Variants in PWP1 observed in about 807,000 individuals in gnomAD.
The protein encoded by PWP1 is periodic tryptophan protein 1 homolog.
In PWP1, 47 loss-of-function variants were observed where a neutral mutation model predicts 69.9. The ratio of observed to expected loss-of-function variants is 0.67; its 90% CI spans 0.53 to 0.86. The LOEUF is 0.86. PWP1 is among the 40% of genes least tolerant of loss of function. PWP1 has a pLI of 0.00. For synonymous variants in PWP1, 222 were observed against 208.2 expected, an observed-to-expected ratio of 1.07 and a Z score of -0.57; for missense variants, 551 against 608.8, an observed-to-expected ratio of 0.91 and a Z score of 1.00.
rs756954590 is a variant in PWP1, at chr12:107,685,885, C to T, written c.-15C>T. On this transcript the variant is annotated 5_prime_UTR_variant, in exon 1 of 15. Transcript: ENST00000412830. ...AGCCTGGTTTCTAGCGTGACACGCC[C>T]TTGACTTGAGGACCATGAACCGCAG... 7 of 1,613,570 alleles carry T rather than the reference C, an allele frequency of 4.3e-6. No individual in the cohort carries two copies. The highest frequency in any genetic ancestry group is 2.7e-5 in the African/African-American group (2 of 74,938).
intron 3 of PWP1, among the ~76,000 whole-genome samples, chr12:107,692,275 T>TA (rs1889495971): frequency 6.6e-6 from 1 of 152,242 alleles, no homozygotes; most frequent in Admixed American, 6.5e-5. Flanking sequence ...AAGAATAATT[T>TA]AAGTTCAGTG....
intron 10 of PWP1, 22 bp from the exon 11 acceptor site, chr12:107,704,614 A>AACT (rs1319855082): frequency 1.9e-6 from 3 of 1,585,810 alleles, no homozygotes; most frequent in Non-Finnish European, 2.6e-6. Context: ...TTAAAACCCT[A>AACT]ACTTTGCCTG....
At chr12:107,699,589 T>G (rs1301723835) in intron 8 of PWP1, among the ~76,000 whole-genome samples, 155 bp downstream of exon 8, 1 of 152,188 alleles carries the variant, frequency 6.6e-6, no homozygotes, top group East Asian at 1.9e-4. Flanking sequence ...CTCTGTCATC[T>G]GTTTCTTTGC....
chr12:107,694,745 T>C (rs1448149114), intron 5 of PWP1, among the ~76,000 whole-genome samples: 1 of 152,220 alleles, frequency 6.6e-6, no homozygotes, highest in African/African-American at 2.4e-5. Flanking sequence ...TAACAGTCAT[T>C]CCTTTGAACT....
rs760952622 is a variant in PWP1, at chr12:107,685,870, C to T, written c.-30C>T. The T allele has an allele frequency of 6.2e-7, 1 of 1,612,982 alleles. No individual in the cohort carries two copies. The highest frequency in any genetic ancestry group is 8.5e-7 in the Non-Finnish European group (1 of 1,179,360). The stretch of plus-strand genomic sequence containing the variant: ...GGTCCCTCCCTATGCAGCCTGGTTT[C>T]TAGCGTGACACGCCCTTGACTTGAG... On this transcript the variant is annotated 5_prime_UTR_variant, in exon 1 of 15. Coordinates refer to ENST00000412830, the MANE Select transcript of PWP1 (RefSeq NM_007062.3).
chr12:107,686,969 C>CAAAAAA (rs61728433), intron 1 of PWP1, among the ~76,000 whole-genome samples: 12 of 106,870 alleles, frequency 1.1e-4, no homozygotes, highest in Non-Finnish European at 1.5e-4. Flanking sequence ...GACTCCGTCT[C>CAAAAAA]AAAAAAAAAA....
In PWP1 at chr12:107,704,680, G is replaced by C. The variant is rs765660170; in HGVS notation, c.1010G>C (p.Arg337Pro). The change falls in exon 11 of 15, where the codon CGA becomes CCA. Residue 337 changes from arginine to proline, a missense_variant. Transcript: ENST00000412830. The part of the protein sequence containing the change: ...YDCRSPDESH[R>P]MWRFSGQIER... ...TGCCGAAGTCCAGATGAAAGCCATC[G>C]AATGTGGCGATTCAGTGGGCAGATA... 1.9e-6 allele frequency: 3 copies of C among 1,613,992 alleles called. No individual in the cohort carries two copies. The highest frequency in any genetic ancestry group is 2.5e-6 in the Non-Finnish European group (3 of 1,179,934).
chr12:107,693,167 T>C, intron 5 of PWP1, 71 bp downstream of exon 5: 1 of 1,521,760 alleles, frequency 6.6e-7, no homozygotes, highest in Non-Finnish European at 8.8e-7. Context: ...AGTTACCATT[T>C]CATTTTTAGG....
At chr12:107,689,471 G>A (rs1889438879) in intron 3 of PWP1, among the ~76,000 whole-genome samples, 2 of 152,140 alleles carry the variant, frequency 1.3e-5, no homozygotes, top group South Asian at 4.1e-4. Flanking sequence ...GAGGCCAGGT[G>A]CACGTGACTC....
intron 11 of PWP1, among the ~76,000 whole-genome samples, chr12:107,705,450 G>A (rs576614517): frequency 3.3e-5 from 5 of 151,218 alleles, no homozygotes; most frequent in African/African-American, 4.9e-5. Flanking sequence ...ATACATGTGC[G>A]ATGTTGGTGT....
intron 5 of PWP1, among the ~76,000 whole-genome samples, chr12:107,694,774 GAGAA>G (rs1593143414): frequency 1.3e-5 from 2 of 152,100 alleles, no homozygotes; most frequent in African/African-American, 2.4e-5. Context: ...AAGAGGAGCT[GAGAA>G]AGAAGTTAAA....
intron 5 of PWP1, among the ~76,000 whole-genome samples, chr12:107,694,922 C>T (rs1001430112): frequency 6.6e-6 from 1 of 151,874 alleles, no homozygotes; most frequent in Admixed American, 6.6e-5. Flanking sequence ...AAAACTGATC[C>T]GAATATTGAT....
At position 107,709,177 on chromosome 12, in the gene PWP1, T is replaced by C; in HGVS notation, c.1235T>C (p.Ile412Thr). 2 of 1,613,944 alleles carry C rather than the reference T, an allele frequency of 1.2e-6. No homozygotes were observed. Among genetic ancestry groups the C allele is most frequent in the South Asian group, 1.1e-5 (1 of 91,080 alleles). ...VTASADKYVK[I>T]WDILGDRPSL... ...GCTTCAGCTGACAAATACGTGAAGATCTGGGACATCTTAGGAGATAGGCCA... is the reference window on the plus strand; with the variant it reads ...GCTTCAGCTGACAAATACGTGAAGACCTGGGACATCTTAGGAGATAGGCCA... The change falls in exon 13 of 15, where the codon ATC becomes ACC. Residue 412 changes from isoleucine (I) to threonine (T), a missense_variant. By Grantham distance (89) the Ile-to-Thr change is moderately conservative. Coordinates refer to ENST00000412830, the MANE Select transcript of PWP1 (RefSeq NM_007062.3).
intron 11 of PWP1, among the ~76,000 whole-genome samples, chr12:107,706,288 A>T (rs536630646): frequency 6.6e-6 from 1 of 152,098 alleles, no homozygotes; most frequent in South Asian, 2.1e-4. Context: ...TAGATTCTGG[A>T]TATTAGCCCT....
rs147805980 is a variant in PWP1 at position 107,708,814 on chromosome 12, C to T, written c.1078-112C>T. 9.1e-5 allele frequency: 88 copies of T among 971,050 alleles called. 1 individual carries two copies. The Middle Eastern group carries it at 1.6e-3, about 18-fold the overall frequency. 60.2% of individuals were successfully genotyped at this position (971,050 alleles called of 1,614,324 possible). A position where few individuals can be genotyped will look rare whatever the true frequency, so the allele number is the denominator to read the frequency against. ...ATGATTTCTGTCCATGTTAATTTTTCATAAGTTCCACCAGTAAGTCATATA... is the reference window on the plus strand; with the variant it reads ...ATGATTTCTGTCCATGTTAATTTTTTATAAGTTCCACCAGTAAGTCATATA... On this transcript the variant is annotated intron_variant, in intron 11 of 14. Coordinates refer to ENST00000412830, the MANE Select transcript of PWP1 (RefSeq NM_007062.3).
chr12:107,712,063 C>T (rs1404721054), intron 14 of PWP1, 48 bp from the exon 15 acceptor site: 1 of 1,486,450 alleles, frequency 6.7e-7, no homozygotes, highest in Non-Finnish European at 9.4e-7. Context: ...TATATTCTGA[C>T]TTAATTTCCT....
rs956666580 is a variant in PWP1, at chr12:107,699,240, C to G, written c.745-133C>G. The G allele has an allele frequency of 8.9e-6, 6 of 677,698 alleles. No individual in the cohort carries two copies. The African/African-American group carries it at 1.1e-4, about 12-fold the overall frequency. The allele number at this position is 677,698 out of a possible 1,614,324, so 42.0% of individuals were successfully genotyped here. On this transcript the variant is annotated intron_variant, in intron 7 of 14. Transcript: ENST00000412830. ...TGCAACTGCACTCTAGCCAGGGCAA[C>G]AGACAAAGACTCCGTCTCAAAACAA...
chr12:107,688,631 A>T lies in PWP1; in HGVS notation c.148A>T (p.Ser50Cys). Residue 50 changes from serine to cysteine, a missense_variant, in exon 3 of 15, where the codon AGT becomes TGT. Coordinates refer to ENST00000412830, the MANE Select transcript of PWP1 (RefSeq NM_007062.3). The part of the protein sequence containing the change: ...KEKLQEEGGG[S>C]DEEETGSPSE... ...TGCTCATAGAGAAGAAGGTGGTGGC[A>T]GTGATGAAGAGGAGACAGGCAGTCC... 13 of 1,614,038 alleles carry T rather than the reference A, an allele frequency of 8.1e-6. No individual in the cohort carries two copies. The highest frequency in any genetic ancestry group is 1.1e-5 in the Non-Finnish European group (13 of 1,179,884).
At chr12:107,710,226 G>A (rs1242298410) in intron 13 of PWP1, among the ~76,000 whole-genome samples, 179 bp from the exon 14 acceptor site, 1 of 152,190 alleles carries the variant, frequency 6.6e-6, no homozygotes, top group Non-Finnish European at 1.5e-5. Flanking sequence ...GCTTCATATT[G>A]TAGTACTAGC....
Sources: allele counts gnomAD v4.1 joint callset (sites outside exome capture counted in the v4.1 genomes callset), GRCh38; gene constraint gnomAD v4.1.1; transcripts MANE v1.5; gene names NCBI Gene and HGNC (gene_info 2026-07-23, HGNC 2026-07-21).